The following SUCLG2 variants were observed in gnomAD, a reference collection of about 807,000 sequenced individuals.
SUCLG2 encodes succinate-CoA ligase GDP-forming subunit beta, also known as succinate--CoA ligase [GDP-forming] subunit beta, mitochondrial.
A neutral mutation model predicts 47.9 loss-of-function variants in SUCLG2; 42 were observed. The ratio of observed to expected loss-of-function variants is 0.88; its 90% CI spans 0.69 to 1.14. The LOEUF is 1.14. Among genes scored for constraint, SUCLG2 ranks in the 50% most tolerant of loss-of-function variants. SUCLG2 has a pLI of 0.00. For missense variants in SUCLG2, 571 were observed against 525.9 expected (o/e 1.09, Z -0.84); for synonymous variants, 195 against 197.3 (o/e 0.99, Z 0.10).
chr3:67,593,491 A>G (rs1420164106), intron 2 of SUCLG2, among the ~76,000 whole-genome samples: 1 of 152,196 alleles, frequency 6.6e-6, no homozygotes, highest in African/African-American at 2.4e-5. Flanking sequence ...CCAAACATCA[A>G]CAAGTCCCGA....
At chr3:67,382,202 A>G (rs1702172536) in intron 10 of SUCLG2, among the ~76,000 whole-genome samples, 1 of 152,180 alleles carries the variant, frequency 6.6e-6, no homozygotes, top group Admixed American at 6.5e-5. Context: ...GTATCATGAA[A>G]CTTAATCCTC....
At chr3:67,511,401 C>A (rs1338956164) in intron 6 of SUCLG2, among the ~76,000 whole-genome samples, 1 of 152,146 alleles carries the variant, frequency 6.6e-6, no homozygotes, top group Non-Finnish European at 1.5e-5. Flanking sequence ...AGGAGGGACC[C>A]AGTGGGAGGT....
At chr3:67,474,557 A>T (rs543945696) in intron 9 of SUCLG2, among the ~76,000 whole-genome samples, 1 of 152,200 alleles carries the variant, frequency 6.6e-6, no homozygotes, top group Non-Finnish European at 1.5e-5. Flanking sequence ...TTTAACTTGC[A>T]TTATGATATT....
chr3:67,498,292 A>G lies in SUCLG2; in HGVS notation c.761T>C (p.Val254Ala). 1.2e-6 allele frequency: 2 copies of G among 1,609,988 alleles called. No homozygotes were observed. Among genetic ancestry groups the G allele is most frequent in the African/African-American group, 1.4e-5 (1 of 72,946 alleles). ...PFGETPEGQV[V>A]CFDAKINFDD... ...AAAGTTTATCTTGGCATCAAAACAG[A>G]CAACTAAATAAAGAAGAAAACAATC... The change falls in exon 8 of 11, where the codon GTC becomes GCC. Residue 254 changes from valine (V) to alanine (A), a missense_variant. Coordinates refer to ENST00000307227, the MANE Select transcript of SUCLG2 (RefSeq NM_003848.4).
intron 1 of SUCLG2, among the ~76,000 whole-genome samples, chr3:67,630,061 C>T (rs1056753686): frequency 6.6e-6 from 1 of 151,790 alleles, no homozygotes; most frequent in Admixed American, 6.6e-5. Context: ...CTTATGCTGT[C>T]TCTAAAAATA....
chr3:67,376,246 G>C, intron 10 of SUCLG2: 2 of 985,428 alleles, frequency 2.0e-6, no homozygotes, highest in Non-Finnish European at 2.4e-6. Context: ...GAAGTTCCGA[G>C]AATCTGCCCA....
intron 2 of SUCLG2, among the ~76,000 whole-genome samples, chr3:67,569,078 A>G (rs1707544306): frequency 1.3e-5 from 2 of 152,090 alleles, no homozygotes; most frequent in Non-Finnish European, 2.9e-5. Flanking sequence ...CCCCACCCCT[A>G]TCCTAACTGG....
intron 10 of SUCLG2, among the ~76,000 whole-genome samples, chr3:67,396,128 A>G (rs1702521773): frequency 6.6e-6 from 1 of 152,170 alleles, no homozygotes; most frequent in South Asian, 2.1e-4. Context: ...AAACAAGAGC[A>G]AACACATTCA....
At chr3:67,549,071 G>A (rs1706941471) in intron 2 of SUCLG2, among the ~76,000 whole-genome samples, 1 of 152,154 alleles carries the variant, frequency 6.6e-6, no homozygotes, top group East Asian at 1.9e-4. Context: ...GTTTTTTATA[G>A]TAATGATGTT....
Position 67,434,655 on chromosome 3 carries a change from A to T in SUCLG2, c.1063-33804T>A, listed in dbSNP as rs543424374. Among the ~76,000 whole-genome samples the T allele has an allele frequency of 3.1e-4, 47 of 152,370 alleles. No homozygotes were observed. In the South Asian group the frequency reaches 9.5e-3, roughly 31 times the overall value. ...TGAGAGAAGGGGAAGGCCAGCAGTA[A>T]TATTTTATACTGGTTGGGAGAAGGG... is the stretch of plus-strand genomic sequence containing the variant. On this transcript the variant is annotated intron_variant, in intron 9 of 10. Coordinates refer to ENST00000307227, the MANE Select transcript of SUCLG2 (RefSeq NM_003848.4).
intron 1 of SUCLG2, among the ~76,000 whole-genome samples, chr3:67,616,779 G>A (rs1575819544): frequency 1.3e-5 from 2 of 152,144 alleles, no homozygotes; most frequent in African/African-American, 2.4e-5. Context: ...AGCAAAAGCC[G>A]CATTTTCTGT....
chr3:67,479,115 A>C (rs1704843601), intron 9 of SUCLG2, among the ~76,000 whole-genome samples: 2 of 152,214 alleles, frequency 1.3e-5, no homozygotes, highest in South Asian at 4.1e-4. Context: ...AAGAAACAGC[A>C]ATGAAGTCTC....
intron 2 of SUCLG2, among the ~76,000 whole-genome samples, chr3:67,530,106 A>T (rs1375835536): frequency 6.6e-6 from 1 of 152,140 alleles, no homozygotes; most frequent in African/African-American, 2.4e-5. Context: ...AAATCACAGA[A>T]CCCAGCTGAT....
intron 9 of SUCLG2, among the ~76,000 whole-genome samples, chr3:67,423,265 T>C (rs1234420557): frequency 6.6e-6 from 1 of 152,128 alleles, no homozygotes; most frequent in Admixed American, 6.5e-5. Context: ...CCCACCACCC[T>C]GTGAAGAGGT....
chr3:67,370,698 A>C (rs1450067498), downstream of SUCLG2, among the ~76,000 whole-genome samples: 2 of 152,342 alleles, frequency 1.3e-5, no homozygotes, highest in Middle Eastern at 3.4e-3. Context: ...AAAATTGAAC[A>C]ATTATGACAA....
intron 10 of SUCLG2, among the ~76,000 whole-genome samples, chr3:67,386,226 C>G (rs180688050): frequency 1.0e-3 from 155 of 151,910 alleles, no homozygotes; most frequent in African/African-American, 3.7e-3. Flanking sequence ...GTAGTTGGGA[C>G]TACAGGCGCC....
chr3:67,513,794 T>G (rs887472633), intron 6 of SUCLG2: 6 of 152,430 alleles, frequency 3.9e-5, no homozygotes, highest in African/African-American at 1.4e-4. Context: ...TGTTAAGTAA[T>G]TTTTAAAAAT....
At chr3:67,365,295 AGAAGCT>A (rs1270189491) in intron 10 of SUCLG2, among the ~76,000 whole-genome samples, 1 of 152,230 alleles carries the variant, frequency 6.6e-6, no homozygotes, top group African/African-American at 2.4e-5. Flanking sequence ...TTTAGAATCA[AGAAGCT>A]GAACGAAACT....
chr3:67,576,933 T>TA (rs397779455), intron 2 of SUCLG2, among the ~76,000 whole-genome samples: 1 of 151,806 alleles, frequency 6.6e-6, no homozygotes, highest in East Asian at 1.9e-4. Context: ...TATTTTTTTT[T>TA]ACAAAAAGCC....
Sources: allele counts gnomAD v4.1 joint callset (sites outside exome capture counted in the v4.1 genomes callset), GRCh38; gene constraint gnomAD v4.1.1; transcripts MANE v1.5; gene names NCBI Gene and HGNC (gene_info 2026-07-23, HGNC 2026-07-21).